SCFD1: variants seen among roughly 807,000 people sequenced by gnomAD.
SCFD1 encodes sec1 family domain containing 1, also known as sec1 family domain-containing protein 1.
Under a neutral mutation model 103.2 loss-of-function variants are expected in SCFD1, and 37 were observed. The observed-to-expected ratio is 0.36, with a 90% CI of 0.28 to 0.47. SCFD1 has a LOEUF of 0.47. Among genes scored for constraint, SCFD1 ranks in the 20% least tolerant of loss-of-function variants. The pLI is 1.00. For synonymous variants in SCFD1, 264 were observed against 245.0 expected, an observed-to-expected ratio of 1.08 and a Z score of -0.73; for missense variants, 639 against 761.2, an observed-to-expected ratio of 0.84 and a Z score of 1.89.
intron 3 of SCFD1, 108 bp from the exon 4 acceptor site, chr14:30,633,839 C>A: frequency 1.9e-6 from 1 of 532,452 alleles, no homozygotes; most frequent in East Asian, 3.2e-5. Flanking sequence ...GCAACAAGAG[C>A]TTTTAGAGCA....
Position 30,724,398 on chromosome 14 carries a change from G to A in SCFD1, c.1836+1839G>A, listed in dbSNP as rs115211140. ...CTCTCAAGTAGCTGAGATTACAGGC[G>A]CACCCTTCCACAACCAGCTAATTTT... On this transcript the variant is annotated intron_variant, in intron 23 of 24. Transcript: ENST00000458591. Among the ~76,000 whole-genome samples, 690 of 151,570 alleles carry A rather than the reference G, an allele frequency of 4.6e-3. 8 individuals are homozygous for A. Among genetic ancestry groups the A allele is most frequent in the African/African-American group, 0.016 (644 of 41,318 alleles).
chr14:30,639,187 T>A (rs916396118), intron 5 of SCFD1, among the ~76,000 whole-genome samples: 2 of 152,124 alleles, frequency 1.3e-5, no homozygotes, highest in African/African-American at 2.4e-5. Flanking sequence ...CTAATTTTTT[T>A]AATATGTTGC....
intron 11 of SCFD1, among the ~76,000 whole-genome samples, chr14:30,672,888 A>G (rs1195871806): frequency 6.6e-6 from 1 of 152,198 alleles, no homozygotes; most frequent in Non-Finnish European, 1.5e-5. Context: ...TTGGATGGGA[A>G]TATTTAATTG....
Position 30,627,745 on chromosome 14 carries a change from GAAAAAAAAAAA to G in SCFD1, c.62-452_62-442del, listed in dbSNP as rs11312585. On this transcript the variant is annotated intron_variant, in intron 1 of 24. Transcript: ENST00000458591. ...GCAACAAGAGCGAAACTCTGTCTCAGAAAAAAAAAAAAAAAAAAAAAAGAAAGACTGATCTT... is the reference window on the plus strand; with the variant it reads ...GCAACAAGAGCGAAACTCTGTCTCAGAAAAAAAAAAAGAAAGACTGATCTT... 1.0e-4 allele frequency among the ~76,000 whole-genome samples: 8 copies of G among 79,480 alleles called. No individual in the cohort carries two copies. In the South Asian group the frequency reaches 3.4e-3, roughly 33 times the overall value. 52.1% of individuals were successfully genotyped at this position (79,480 alleles called of 152,430 possible). A position where few individuals can be genotyped will look rare whatever the true frequency, so the allele number is the denominator to read the frequency against.
intron 6 of SCFD1, among the ~76,000 whole-genome samples, chr14:30,642,727 C>A (rs1265561638): frequency 6.6e-6 from 1 of 151,944 alleles, no homozygotes; most frequent in Non-Finnish European, 1.5e-5. Context: ...ATTTATTTTC[C>A]TTTTTGTCAA....
chr14:30,712,718 A>T (rs1165320174), intron 19 of SCFD1, among the ~76,000 whole-genome samples: 1 of 152,224 alleles, frequency 6.6e-6, no homozygotes, highest in Non-Finnish European at 1.5e-5. Flanking sequence ...GAAGAACTTT[A>T]ATTTAGGATA....
rs751915827 is a variant in SCFD1, at chr14:30,674,042, A to AT, written c.1160+55dup. 5,064 of 1,334,686 alleles carry AT rather than the reference A, an allele frequency of 3.8e-3. 5 individuals are homozygous for AT. The highest frequency in any genetic ancestry group is 9.7e-3 in the African/African-American group (647 of 67,032). The allele number at this position is 1,334,686 out of a possible 1,614,324, so 82.7% of individuals were successfully genotyped here. On this transcript the variant is annotated intron_variant, in intron 13 of 24. Coordinates refer to ENST00000458591, the MANE Select transcript of SCFD1 (RefSeq NM_016106.4). ...TCTTTGAAGTCTTTCTGTTGATAGG[A>AT]TTTTTTTTTTATTTAACTAAAAAAT...
chr14:30,717,312 C>CA (rs1177731189), intron 20 of SCFD1, among the ~76,000 whole-genome samples: 2 of 151,946 alleles, frequency 1.3e-5, no homozygotes, highest in Non-Finnish European at 2.9e-5. Context: ...CCTGTCTCTA[C>CA]AAAAAATACA....
At position 30,622,391 on chromosome 14, in the gene SCFD1, G is replaced by A; in HGVS notation, c.53G>A (p.Arg18Lys). 2 of 1,553,872 alleles carry A rather than the reference G, an allele frequency of 1.3e-6. No individual in the cohort carries two copies. The highest frequency in any genetic ancestry group is 1.7e-6 in the Non-Finnish European group (2 of 1,148,206). ...TAAAAASIRE[R>K]QTVALKRMLN... ...GCAGCAGCAGCCAGTATTCGGGAAA[G>A]GCAGACAGGTACTGACTTATTCTCT... The change falls in exon 1 of 25, where the codon AGG becomes AAG. Residue 18 changes from arginine to lysine, a missense_variant. By Grantham distance (26) the Arg-to-Lys change is conservative (BLOSUM62 2). Transcript: ENST00000458591.
At chr14:30,673,151 A>G in intron 11 of SCFD1, 106 bp from the exon 12 acceptor site, 2 of 487,264 alleles carry the variant, frequency 4.1e-6, no homozygotes, top group African/African-American at 3.9e-5. Context: ...TCAAATCCAA[A>G]TAAGTATATT....
intron 10 of SCFD1, chr14:30,658,010 C>T: frequency 2.2e-6 from 1 of 445,372 alleles, no homozygotes; most frequent in Admixed American, 2.4e-5. Flanking sequence ...TGCCCATCTC[C>T]TTTTATTGGG....
At chr14:30,719,956 G>T (rs992040667) in intron 21 of SCFD1, among the ~76,000 whole-genome samples, 6 of 140,240 alleles carry the variant, frequency 4.3e-5, no homozygotes, top group African/African-American at 1.5e-4. Flanking sequence ...AGGCAGAATT[G>T]GGGGCAGGGG....
chr14:30,722,731 C>G, intron 23 of SCFD1, 172 bp downstream of exon 23: 2 of 393,608 alleles, frequency 5.1e-6, no homozygotes, highest in Non-Finnish European at 9.0e-6. Flanking sequence ...CTGTCACATT[C>G]ATTTCTGGCC....
intron 21 of SCFD1, among the ~76,000 whole-genome samples, chr14:30,720,673 T>C (rs1892594018): frequency 6.6e-6 from 1 of 152,196 alleles, no homozygotes; most frequent in Non-Finnish European, 1.5e-5. Context: ...TTCGTAATAC[T>C]GTTTATATAG....
Position 30,731,309 on chromosome 14 carries a change from G to T in SCFD1, c.1837-3481G>T, listed in dbSNP as rs545464189. ...TGATGCCTCCAGCTTTGTTCTTTTT[G>T]CTTAGGATTGACTTGGCAATGCAGG... On this transcript the variant is annotated intron_variant, in intron 23 of 24. Transcript: ENST00000458591. Among the ~76,000 whole-genome samples, 14 of 152,250 alleles carry T rather than the reference G, an allele frequency of 9.2e-5. 1 individual carries two copies. The highest frequency in any genetic ancestry group is 3.1e-4 in the African/African-American group (13 of 41,548).
At chr14:30,672,586 A>T (rs1178382284) in intron 11 of SCFD1, among the ~76,000 whole-genome samples, 3 of 152,192 alleles carry the variant, frequency 2.0e-5, no homozygotes, top group African/African-American at 7.2e-5. Context: ...AATGATCAAC[A>T]TGTATTCACC....
chr14:30,651,423 C>T (rs1372150790), intron 9 of SCFD1, among the ~76,000 whole-genome samples: 1 of 148,598 alleles, frequency 6.7e-6, no homozygotes, highest in African/African-American at 2.6e-5. Flanking sequence ...TGGGAGTTCA[C>T]ACTAACACTG....
chr14:30,636,577 A>T (rs532359577), intron 4 of SCFD1, among the ~76,000 whole-genome samples: 2 of 152,158 alleles, frequency 1.3e-5, no homozygotes, highest in African/African-American at 4.8e-5. Flanking sequence ...GTTCTATTGC[A>T]TTGATATCTA....
At chr14:30,676,912 A>G (rs1260089658) in intron 14 of SCFD1, among the ~76,000 whole-genome samples, 1 of 152,190 alleles carries the variant, frequency 6.6e-6, no homozygotes, top group Non-Finnish European at 1.5e-5. Context: ...TATCGTGCTT[A>G]TTATAATTTT....
Sources: gnomAD v4.1 joint callset for allele counts (sites outside exome capture counted in the v4.1 genomes callset) on GRCh38, gnomAD v4.1.1 for gene constraint, MANE v1.5 for transcripts, NCBI Gene and HGNC (gene_info 2026-07-23, HGNC 2026-07-21) for gene names.